The following NEK11 variants were observed in gnomAD, a reference collection of about 807,000 sequenced individuals.
The protein encoded by NEK11 is serine/threonine-protein kinase Nek11.
Under a neutral mutation model 80.7 loss-of-function variants are expected in NEK11, and 72 were observed. The observed-to-expected ratio is 0.89, with a 90% CI of 0.74 to 1.08. NEK11 has a LOEUF of 1.08. NEK11 is among the 50% of genes least tolerant of loss of function. The pLI is 0.00. For synonymous variants in NEK11, 251 were observed against 260.7 expected, an observed-to-expected ratio of 0.96 and a Z score of 0.36; for missense variants, 764 against 763.6, an observed-to-expected ratio of 1.00 and a Z score of -0.01.
intron 17 of NEK11, among the ~76,000 whole-genome samples, chr3:131,293,893 C>T (rs1027404123): frequency 5.9e-5 from 9 of 151,930 alleles, no homozygotes; most frequent in Non-Finnish European, 1.3e-4. Flanking sequence ...TTTATGATCT[C>T]GTAAATGTTT....
At chr3:131,336,724 C>T (rs1208486227) in intron 17 of NEK11, among the ~76,000 whole-genome samples, 2 of 152,128 alleles carry the variant, frequency 1.3e-5, no homozygotes, top group African/African-American at 4.8e-5. Context: ...ACTCATTTGA[C>T]AAAGGGCTAA....
chr3:131,114,686 G>T (rs1169934085), intron 5 of NEK11, among the ~76,000 whole-genome samples: 1 of 152,180 alleles, frequency 6.6e-6, no homozygotes, highest in Non-Finnish European at 1.5e-5. Context: ...ACCCCTCACT[G>T]CAAGGAATAA....
intron 3 of NEK11, among the ~76,000 whole-genome samples, chr3:131,080,015 A>G (rs373434899): frequency 3.8e-5 from 5 of 132,600 alleles, no homozygotes; most frequent in Non-Finnish European, 3.3e-5. Context: ...GTGATGGATT[A>G]CATATATATA....
chr3:131,185,585 G>A (rs2093567093), intron 14 of NEK11, among the ~76,000 whole-genome samples: 1 of 152,160 alleles, frequency 6.6e-6, no homozygotes, highest in Non-Finnish European at 1.5e-5. Flanking sequence ...TTGAGGCGCT[G>A]GGTTCACTGC....
At chr3:131,304,559 G>A (rs1222781369) in intron 17 of NEK11, among the ~76,000 whole-genome samples, 1 of 152,048 alleles carries the variant, frequency 6.6e-6, no homozygotes, top group African/African-American at 2.4e-5. Flanking sequence ...TTGCTTTCTT[G>A]TGGATGGGTT....
intron 3 of NEK11, among the ~76,000 whole-genome samples, chr3:131,067,068 A>C (rs1243292238): frequency 6.6e-6 from 1 of 152,088 alleles, no homozygotes; most frequent in African/African-American, 2.4e-5. Context: ...CAGTATCACT[A>C]TTTTAGTGGG....
chr3:131,142,826 T>C (rs560571992), intron 7 of NEK11, among the ~76,000 whole-genome samples: 6 of 152,172 alleles, frequency 3.9e-5, no homozygotes, highest in Non-Finnish European at 7.4e-5. Flanking sequence ...TCTTATGGTA[T>C]GGAGGACATG....
intron 17 of NEK11, among the ~76,000 whole-genome samples, chr3:131,274,880 C>T (rs1394719855): frequency 1.3e-5 from 2 of 151,846 alleles, no homozygotes; most frequent in East Asian, 1.9e-4. Flanking sequence ...GTCTCGATCT[C>T]CTGACCTCGT....
intron 5 of NEK11, among the ~76,000 whole-genome samples, chr3:131,119,688 C>G (rs1290423302): frequency 6.6e-6 from 1 of 152,144 alleles, no homozygotes; most frequent in Non-Finnish European, 1.5e-5. Flanking sequence ...GGATAGTTAG[C>G]TCTTCTTGTT....
At chr3:131,215,131 C>T (rs2150577043) in intron 14 of NEK11, among the ~76,000 whole-genome samples, 1 of 152,168 alleles carries the variant, frequency 6.6e-6, no homozygotes, top group South Asian at 2.1e-4. Flanking sequence ...ATATTATTCT[C>T]AAAGTTGACT....
chr3:131,256,729 C>T (rs1361432824), intron 16 of NEK11, among the ~76,000 whole-genome samples: 1 of 152,114 alleles, frequency 6.6e-6, no homozygotes, highest in Admixed American at 6.6e-5. Context: ...AGTTAGCTAT[C>T]ACCCAGGGCC....
intron 16 of NEK11, among the ~76,000 whole-genome samples, chr3:131,257,632 C>T (rs917723389): frequency 6.6e-6 from 1 of 152,088 alleles, no homozygotes; most frequent in East Asian, 1.9e-4. Flanking sequence ...TTCAATTTAT[C>T]TTCTGTTCTG....
intron 4 of NEK11, among the ~76,000 whole-genome samples, chr3:131,108,386 A>G (rs2079533183): frequency 6.6e-6 from 1 of 152,096 alleles, no homozygotes; most frequent in Non-Finnish European, 1.5e-5. Flanking sequence ...TGAATATGAT[A>G]AGGACCTCTC....
chr3:131,179,525 G>T (rs1384374587), intron 14 of NEK11, among the ~76,000 whole-genome samples: 1 of 152,190 alleles, frequency 6.6e-6, no homozygotes, highest in African/African-American at 2.4e-5. Flanking sequence ...AAAAGCAGTA[G>T]CTCTAAATAT....
At chr3:131,068,873 C>T (rs1355295088) in intron 3 of NEK11, among the ~76,000 whole-genome samples, 1 of 152,046 alleles carries the variant, frequency 6.6e-6, no homozygotes, top group African/African-American at 2.4e-5. Flanking sequence ...GTGTTTAAAC[C>T]CTCTAAGGGA....
intron 17 of NEK11, among the ~76,000 whole-genome samples, chr3:131,331,959 G>A (rs143920692): frequency 2.0e-4 from 31 of 152,316 alleles, no homozygotes; most frequent in African/African-American, 4.3e-4. Flanking sequence ...CAAAGCAGCC[G>A]GGAAGCTTGA....
rs533399923 is a variant in NEK11 at position 131,208,725 on chromosome 3, A to C, written c.1400-19803A>C. Among the ~76,000 whole-genome samples the C allele has an allele frequency of 8.5e-5, 13 of 152,286 alleles. No individual in the cohort carries two copies. In the South Asian group the frequency reaches 1.7e-3, roughly 19 times the overall value. ...CTAGGTATTTTATTCTCTTTGAAGC[A>C]ATTGTGAATGGGAGTTCACTCATGA... On this transcript the variant is annotated intron_variant, in intron 14 of 17. Transcript: ENST00000383366.
chr3:131,216,974 G>C (rs1349902859), intron 14 of NEK11, among the ~76,000 whole-genome samples: 1 of 152,134 alleles, frequency 6.6e-6, no homozygotes, highest in African/African-American at 2.4e-5. Flanking sequence ...ATCATAAAAG[G>C]GGATGAGTCA....
chr3:131,196,631 T>G (rs1270785331), intron 14 of NEK11, among the ~76,000 whole-genome samples: 1 of 152,072 alleles, frequency 6.6e-6, no homozygotes, highest in East Asian at 1.9e-4. Context: ...CTTCCCTGGT[T>G]CAAGTGATTC....
Sources: allele counts gnomAD v4.1 joint callset (sites outside exome capture counted in the v4.1 genomes callset), GRCh38; gene constraint gnomAD v4.1.1; transcripts MANE v1.5; gene names NCBI Gene and HGNC (gene_info 2026-07-23, HGNC 2026-07-21).